The following PPIL4 variants were observed in gnomAD, a reference collection of about 807,000 sequenced individuals.
PPIL4 encodes peptidylprolyl isomerase like 4.
Under a neutral mutation model 69.1 loss-of-function variants are expected in PPIL4, and 50 were observed. That is an observed-to-expected ratio of 0.72 (90% CI 0.58 to 0.92). The LOEUF is 0.92. PPIL4 is among the 40% of genes least tolerant of loss of function. PPIL4 has a pLI of 0.00. For synonymous variants in PPIL4, 193 were observed against 191.6 expected, an observed-to-expected ratio of 1.01 and a Z score of -0.06; for missense variants, 480 against 587.9, an observed-to-expected ratio of 0.82 and a Z score of 1.90.
At chr6:149,543,102 T>C (rs1000531095) in intron 1 of PPIL4, among the ~76,000 whole-genome samples, 1 of 152,168 alleles carries the variant, frequency 6.6e-6, no homozygotes, top group African/African-American at 2.4e-5. Context: ...ATGGGAACAA[T>C]TTATAAGCGC....
chr6:149,530,690 T>C (rs1008379563), intron 7 of PPIL4, among the ~76,000 whole-genome samples: 6 of 151,448 alleles, frequency 4.0e-5, no homozygotes, highest in African/African-American at 1.2e-4. Flanking sequence ...GGCTCTTCCT[T>C]ACAGTAGAAT....
chr6:149,523,889 G>A (rs1475133400), intron 9 of PPIL4, among the ~76,000 whole-genome samples: 1 of 152,178 alleles, frequency 6.6e-6, no homozygotes. Flanking sequence ...AGGTCTTTCT[G>A]CTGGCACCAA....
At chr6:149,534,555 CTTG>C (rs1193751060) in intron 6 of PPIL4, 120 bp downstream of exon 6, 12 of 544,294 alleles carry the variant, frequency 2.2e-5, no homozygotes, top group Non-Finnish European at 3.5e-5. Context: ...GAACTCCAAA[CTTG>C]TTGAATATAA....
At chr6:149,539,003 C>T (rs888698038) in intron 4 of PPIL4, among the ~76,000 whole-genome samples, 1 of 152,106 alleles carries the variant, frequency 6.6e-6, no homozygotes, top group African/African-American at 2.4e-5. Context: ...CCTGCCACCA[C>T]GCCGAGCTAA....
Position 149,535,630 on chromosome 6 carries a change from C to G in PPIL4, c.430G>C (p.Val144Leu). ...DIIKKINETF[V>L]DKDFVPYQDI... is the part of the protein sequence containing the mutation. The stretch of plus-strand genomic sequence containing the variant: ...TGATATGGTACAAAGTCCTTGTCAA[C>G]AAAGGTCTCATTAATTTTCTTAATT... The change falls in exon 5 of 13, where the codon GTT (valine) becomes CTT (leucine). Residue 144 changes from valine (V) to leucine (L), a missense_variant. Transcript: ENST00000253329. 1 of 1,612,656 alleles carries G rather than the reference C, an allele frequency of 6.2e-7. No homozygotes were observed. The highest frequency in any genetic ancestry group is 8.5e-7 in the Non-Finnish European group (1 of 1,178,926).
intron 11 of PPIL4, among the ~76,000 whole-genome samples, chr6:149,514,873 G>C (rs2115029048): frequency 6.6e-6 from 1 of 150,662 alleles, no homozygotes; most frequent in East Asian, 2.0e-4. Flanking sequence ...TTTCACTCTT[G>C]TTGCCCAGGC....
chr6:149,519,790 A>G (rs1357766589), intron 10 of PPIL4, among the ~76,000 whole-genome samples: 1 of 152,324 alleles, frequency 6.6e-6, no homozygotes, highest in Admixed American at 6.5e-5. Context: ...GACAAAAAAA[A>G]CAGTTCATTA....
At chr6:149,536,694 T>C (rs1455303933) in intron 4 of PPIL4, among the ~76,000 whole-genome samples, 1 of 143,986 alleles carries the variant, frequency 6.9e-6, no homozygotes, top group African/African-American at 2.6e-5. Flanking sequence ...GGTTAATTCA[T>C]GAAGTTTAAG....
intron 1 of PPIL4, among the ~76,000 whole-genome samples, chr6:149,543,754 A>G (rs372967054): frequency 6.6e-6 from 1 of 152,094 alleles, no homozygotes; most frequent in South Asian, 2.1e-4. Context: ...AAGTAATTAC[A>G]GATTAAATAG....
In PPIL4 at chr6:149,517,317, C is replaced by A. The variant is rs1357184084; in HGVS notation, c.1079+37G>T. On this transcript the variant is annotated intron_variant, in intron 11 of 12. Coordinates refer to ENST00000253329, the MANE Select transcript of PPIL4 (RefSeq NM_139126.4). Reference sequence around the variant, plus strand: ...CAGTACTCTACACATAGCAGATGGTCAATACATATTAACTAACTGATTCTT... The same window carrying A: ...CAGTACTCTACACATAGCAGATGGTAAATACATATTAACTAACTGATTCTT... The A allele has an allele frequency of 2.7e-6, 3 of 1,100,656 alleles. No individual in the cohort carries two copies. In the South Asian group the frequency reaches 3.8e-5, roughly 14 times the overall value. The allele number at this position is 1,100,656 out of a possible 1,614,324, so 68.2% of individuals were successfully genotyped here. A position where few individuals can be genotyped will look rare whatever the true frequency, so the allele number is the denominator to read the frequency against.
intron 4 of PPIL4, among the ~76,000 whole-genome samples, chr6:149,537,745 T>C (rs1777299858): frequency 6.6e-6 from 1 of 151,732 alleles, no homozygotes; most frequent in African/African-American, 2.4e-5. Context: ...ATTCTGCCTG[T>C]GCTCTAGAAA....
intron 3 of PPIL4, 149 bp from the exon 4 acceptor site, chr6:149,541,208 A>G (rs1191951957): frequency 3.5e-6 from 2 of 569,904 alleles, no homozygotes; most frequent in Non-Finnish European, 5.6e-6. Flanking sequence ...ACTTGGGGGA[A>G]AAAATCTAAA....
chr6:149,512,056 A>C, intron 12 of PPIL4, 99 bp downstream of exon 12: 5 of 998,638 alleles, frequency 5.0e-6, no homozygotes, highest in Non-Finnish European at 7.2e-6. Flanking sequence ...ATCTCTGCTT[A>C]GAACTATCCC....
rs145551737 is a variant in PPIL4, at chr6:149,533,376, C to T, written c.678+82G>A. 1.6e-4 allele frequency: 123 copies of T among 762,980 alleles called. 1 individual carries two copies. The African/African-American group carries it at 1.8e-3, about 11-fold the overall frequency. 47.3% of individuals were successfully genotyped at this position (762,980 alleles called of 1,614,324 possible). A position where few individuals can be genotyped will look rare whatever the true frequency, so the allele number is the denominator to read the frequency against. ...TAACTCAATTTTTAACATTTTAAGA[C>T]TACTGAAGAGCCAGAAATAAACACT... On this transcript the variant is annotated intron_variant, in intron 7 of 12. Transcript: ENST00000253329.
chr6:149,544,135 T>C (rs1292950772), intron 1 of PPIL4, among the ~76,000 whole-genome samples: 1 of 152,140 alleles, frequency 6.6e-6, no homozygotes, highest in Non-Finnish European at 1.5e-5. Context: ...CTCATAACTC[T>C]GGGAAAAGAG....
intron 9 of PPIL4, 95 bp from the exon 10 acceptor site, chr6:149,521,266 A>G (rs986169604): frequency 2.6e-6 from 2 of 779,750 alleles, no homozygotes; most frequent in Non-Finnish European, 4.3e-6. Flanking sequence ...TGTTACAAAA[A>G]TTAATGTTTG....
At chr6:149,506,748 T>C (rs1321516490) in intron 12 of PPIL4, among the ~76,000 whole-genome samples, 1 of 152,050 alleles carries the variant, frequency 6.6e-6, no homozygotes, top group African/African-American at 2.4e-5. Flanking sequence ...GCATGTGCCA[T>C]CACACCTGGC....
rs528280875 is a variant in PPIL4, at chr6:149,542,833, T to A, written c.71-1247A>T. ...CCTGGAAGTGGAAATTTAAATGTTT[T>A]AGGGGAGGTCCAAAACACCAAAGTT... is the stretch of plus-strand genomic sequence containing the variant. On this transcript the variant is annotated intron_variant, in intron 1 of 12. Coordinates refer to ENST00000253329, the MANE Select transcript of PPIL4 (RefSeq NM_139126.4). 3.9e-5 allele frequency among the ~76,000 whole-genome samples: 6 copies of A among 152,232 alleles called. No homozygotes were observed. In the South Asian group the frequency reaches 1.2e-3, roughly 32 times the overall value.
intron 6 of PPIL4, among the ~76,000 whole-genome samples, chr6:149,533,937 CTT>C (rs1393834804): frequency 6.6e-6 from 1 of 152,092 alleles, no homozygotes; most frequent in Admixed American, 6.5e-5. Context: ...AGGTGGATCA[CTT>C]GAGGTCAGGA....
Sources: allele counts gnomAD v4.1 joint callset (sites outside exome capture counted in the v4.1 genomes callset), GRCh38; gene constraint gnomAD v4.1.1; transcripts MANE v1.5; gene names NCBI Gene and HGNC (gene_info 2026-07-23, HGNC 2026-07-21).